The following RHBDF2 variants were observed in gnomAD, a reference collection of about 807,000 sequenced individuals.
RHBDF2 encodes the protein rhomboid 5 homolog 2, also known as inactive rhomboid protein 2.
In RHBDF2, 38 loss-of-function variants were observed where a neutral mutation model predicts 95.2. The observed-to-expected ratio is 0.40, with a 90% CI of 0.31 to 0.52. The LOEUF is 0.52. RHBDF2 is among the 20% of genes least tolerant of loss of function. The pLI, the probability that RHBDF2 is intolerant of heterozygous loss-of-function variation, is 0.56. For synonymous variants in RHBDF2, 442 were observed against 462.0 expected, an observed-to-expected ratio of 0.96 and a Z score of 0.55; for missense variants, 863 against 1,137.7, an observed-to-expected ratio of 0.76 and a Z score of 3.47.
At position 76,473,833 on chromosome 17, in the gene RHBDF2, A is replaced by G; in HGVS notation, c.1638+6T>C. 1 of 1,613,976 alleles carries G rather than the reference A, an allele frequency of 6.2e-7. No homozygotes were observed. Among genetic ancestry groups the G allele is most frequent in the Non-Finnish European group, 8.5e-7 (1 of 1,179,960 alleles). ...TCCCAGACCACTCCCCGCCAGGGAC[A>G]CTCACCGGCCACTTAGTGATGTCAT... On this transcript the variant is annotated splice_donor_region_variant and intron_variant, in intron 14 of 18. Coordinates refer to ENST00000675367, the MANE Select transcript of RHBDF2 (RefSeq NM_001005498.4).
In RHBDF2 at chr17:76,471,996, G is replaced by C; in HGVS notation, c.2121C>G (p.Phe707Leu). The C allele has an allele frequency of 6.3e-7, 1 of 1,576,702 alleles. No homozygotes were observed. The highest frequency in any genetic ancestry group is 1.2e-5 in the South Asian group (1 of 86,260). The change falls in exon 19 of 19, where the codon TTC (phenylalanine) becomes TTG (leucine). Residue 707 changes from phenylalanine (F) to leucine (L), a missense_variant. Phe to Leu is a conservative substitution (Grantham distance 22). Transcript: ENST00000675367. ...GCCTCTCCAGCAGCGGCCAGCTCTG[G>C]AAGAGCTCCACGAAGAGGCAGGCGA... ...GLLACLFVEL[F>L]QSWPLLERPW...
chr17:76,479,045 G>T (rs1325197015), intron 5 of RHBDF2, 36 bp from the exon 6 acceptor site: 1 of 1,611,618 alleles, frequency 6.2e-7, no homozygotes, highest in Non-Finnish European at 8.5e-7. Context: ...GAGCCATTAG[G>T]GTCCCCACCC....
chr17:76,475,060 C>T lies in RHBDF2; in HGVS notation c.1197G>A (p.Val399=), dbSNP rs1181634981. 1 of 1,594,562 alleles carries T rather than the reference C, an allele frequency of 6.3e-7. No individual in the cohort carries two copies. Among genetic ancestry groups the T allele is most frequent in the Non-Finnish European group, 8.5e-7 (1 of 1,171,518 alleles). ...LVICTYGIAP[V]GFAQHVTTQL... ...GGGTGGTGACGTGCTGGGCAAAGCC[C>T]ACGGGTGCGATGCCATACGTGCAAA... Residue 399 remains valine (V), a synonymous_variant, in exon 10 of 19, where the codon GTG becomes GTA. Transcript: ENST00000675367.
intron 1 of RHBDF2, among the ~76,000 whole-genome samples, chr17:76,490,934 C>T (rs538801824): frequency 1.3e-5 from 2 of 152,292 alleles, no homozygotes; most frequent in South Asian, 2.1e-4. Flanking sequence ...TACCCAACCC[C>T]GGGCAGCCCA....
intron 1 of RHBDF2, among the ~76,000 whole-genome samples, chr17:76,500,311 C>T (rs2074547765): frequency 1.3e-5 from 2 of 152,154 alleles, no homozygotes; most frequent in Admixed American, 6.5e-5. Flanking sequence ...AAGTGTGTGA[C>T]ACCCAAAATG....
In RHBDF2 at chr17:76,479,644, C is replaced by T. The variant is rs988736710; in HGVS notation, c.272+89G>A. The T allele has an allele frequency of 4.4e-5, 44 of 999,784 alleles. No individual in the cohort carries two copies. The Middle Eastern group carries it at 9.2e-4, about 21-fold the overall frequency. 61.9% of individuals were successfully genotyped at this position (999,784 alleles called of 1,614,324 possible). On this transcript the variant is annotated intron_variant, in intron 4 of 18. Coordinates refer to ENST00000675367, the MANE Select transcript of RHBDF2 (RefSeq NM_001005498.4). ...CGGCCTCCTCCTTCCAGAGAGGGGA[C>T]GCAGGGACCAGGCCCAATCATGTCC...
At chr17:76,494,349 CA>C (rs1227655359) in intron 1 of RHBDF2, among the ~76,000 whole-genome samples, 22 of 152,316 alleles carry the variant, frequency 1.4e-4, no homozygotes, top group African/African-American at 5.3e-4. Context: ...TGGCAAGACA[CA>C]GGGGTGGGCA....
chr17:76,474,133 C>T lies in RHBDF2; in HGVS notation c.1474G>A (p.Ala492Thr). ...TCATCCTGCCACTTGACAAAAGTGG[C>T]CAAAGTCTCCTGGAGGGCAGAAGAA... is the stretch of plus-strand genomic sequence containing the variant. ...TQRKDCSETLATFVKWQDDTG... is the reference protein window; with the variant it reads ...TQRKDCSETLTTFVKWQDDTG... Residue 492 changes from alanine (A) to threonine (T), a missense_variant, in exon 13 of 19, where the codon GCC becomes ACC. Physicochemically the swap from Ala to Thr is moderately conservative, Grantham distance 58. Around this residue, in one of 2 missense-constraint regions of RHBDF2, gnomAD observed 611 missense variants for 725.5 expected, o/e 0.84. Coordinates refer to ENST00000675367, the MANE Select transcript of RHBDF2 (RefSeq NM_001005498.4). 1 of 1,582,472 alleles carries T rather than the reference C, an allele frequency of 6.3e-7. No individual in the cohort carries two copies. The highest frequency in any genetic ancestry group is 2.2e-5 in the East Asian group (1 of 44,662).
At chr17:76,487,401 A>G (rs1468668205) in intron 2 of RHBDF2, 1 of 151,838 alleles carries the variant, frequency 6.6e-6, no homozygotes, top group Non-Finnish European at 1.5e-5. Flanking sequence ...GGCGCGCACC[A>G]CCACGCCCAG....
chr17:76,477,829 C>T, intron 6 of RHBDF2, 44 bp from the exon 7 acceptor site: 2 of 1,595,248 alleles, frequency 1.3e-6, no homozygotes, highest in Non-Finnish European at 1.7e-6. Context: ...ACAGCCTGGC[C>T]ACCTAGGCCC....
intron 9 of RHBDF2, chr17:76,476,571 G>A: frequency 2.0e-6 from 1 of 495,076 alleles, no homozygotes. Context: ...TTTGTTGACT[G>A]ACTGCTGTCT....
intron 1 of RHBDF2, 92 bp downstream of exon 1, chr17:76,501,249 GCGCACCACCGCT>G (rs1169645408): frequency 1.3e-5 from 2 of 152,218 alleles, no homozygotes; most frequent in Non-Finnish European, 2.9e-5. Flanking sequence ...CTTCCTGGCC[GCGCACCACCGCT>G]CCAGGGCAGG....
chr17:76,498,830 GTGTGTGTC>G (rs202047826), intron 1 of RHBDF2, among the ~76,000 whole-genome samples: 3,285 of 151,076 alleles, frequency 0.022, 115 homozygotes, highest in African/African-American at 0.075. Context: ...GTGTGAGTCT[GTGTGTGTC>G]TGTGTGTTTG....
chr17:76,498,592 C>A (rs1454242205), intron 1 of RHBDF2, among the ~76,000 whole-genome samples: 5 of 152,192 alleles, frequency 3.3e-5, no homozygotes, highest in African/African-American at 1.2e-4. Context: ...TTGTCTGGGG[C>A]AGAGTTTACA....
chr17:76,477,534 C>G (rs1203517848), intron 7 of RHBDF2, 123 bp downstream of exon 7: 9 of 1,219,114 alleles, frequency 7.4e-6, no homozygotes, highest in Non-Finnish European at 1.1e-5. Flanking sequence ...AGGACCATGC[C>G]ACATCCCAGC....
At chr17:76,498,068 TG>T (rs1163294022) in intron 1 of RHBDF2, among the ~76,000 whole-genome samples, 4 of 152,146 alleles carry the variant, frequency 2.6e-5, no homozygotes, top group Admixed American at 2.0e-4. Context: ...GGTGGCGCTT[TG>T]TACTTCCCGG....
intron 1 of RHBDF2, among the ~76,000 whole-genome samples, chr17:76,492,198 G>C (rs1298845719): frequency 6.6e-6 from 1 of 152,186 alleles, no homozygotes; most frequent in East Asian, 1.9e-4. Context: ...CCTTTAGGGT[G>C]GGGCGGGGGA....
At position 76,493,852 on chromosome 17, in the gene RHBDF2, A is replaced by G. The variant is rs541728181; in HGVS notation, c.-219-5943T>C. ...TCCCACGAACAGCGGGTCCTGGCCCAGAGAGCTGTTTCTTTCTCCTCCTCG... is the reference window on the plus strand; with the variant it reads ...TCCCACGAACAGCGGGTCCTGGCCCGGAGAGCTGTTTCTTTCTCCTCCTCG... On this transcript the variant is annotated intron_variant, in intron 1 of 18. Coordinates refer to ENST00000675367, the MANE Select transcript of RHBDF2 (RefSeq NM_001005498.4). Among the ~76,000 whole-genome samples the G allele has an allele frequency of 9.2e-5, 14 of 152,368 alleles. No homozygotes were observed. In the East Asian group the frequency reaches 2.5e-3, roughly 27 times the overall value.
intron 1 of RHBDF2, among the ~76,000 whole-genome samples, chr17:76,492,852 A>G (rs962891714): frequency 6.6e-6 from 1 of 152,190 alleles, no homozygotes; most frequent in African/African-American, 2.4e-5. Flanking sequence ...AAATGGGGAC[A>G]CAGGGGTGGG....
Sources: allele counts gnomAD v4.1 joint callset (sites outside exome capture counted in the v4.1 genomes callset), GRCh38; gene constraint gnomAD v4.1.1; regional missense constraint gnomAD v4.1.1; transcripts MANE v1.5; gene names NCBI Gene and HGNC (gene_info 2026-07-23, HGNC 2026-07-21).